MAML3: variants seen among roughly 807,000 people sequenced by gnomAD.
MAML3 encodes mastermind-like protein 3.
A neutral mutation model predicts 101.9 loss-of-function variants in MAML3; 27 were observed. The ratio of observed to expected loss-of-function variants is 0.27; its 90% CI spans 0.20 to 0.37. MAML3 has a LOEUF of 0.37. MAML3 is among the 10% of genes least tolerant of loss of function. MAML3 has a pLI of 1.00. For synonymous variants in MAML3, 501 were observed against 555.9 expected (o/e 0.90, Z 1.39); for missense variants, 1,316 against 1,444.9 (o/e 0.91, Z 1.45).
intron 1 of MAML3, among the ~76,000 whole-genome samples, chr4:140,111,865 A>G (rs534743327): frequency 6.6e-6 from 1 of 152,284 alleles, no homozygotes; most frequent in South Asian, 2.1e-4. Flanking sequence ...CTCCTCTTCC[A>G]GCTTGCCATG....
intron 1 of MAML3, among the ~76,000 whole-genome samples, chr4:140,009,332 A>G (rs1726510790): frequency 6.6e-6 from 1 of 152,028 alleles, no homozygotes; most frequent in African/African-American, 2.4e-5. Flanking sequence ...TTTGTTTTTT[A>G]ATTTTCTATA....
At position 140,071,755 on chromosome 4, in the gene MAML3, TAG is replaced by T. The variant is rs11268401; in HGVS notation, c.468+81103_468+81104del. On this transcript the variant is annotated intron_variant, in intron 1 of 4. Coordinates refer to ENST00000509479, the MANE Select transcript of MAML3 (RefSeq NM_018717.5). ...CTTATAATTTTACAGGGACCAGGAT[TAG>T]AGAGAGAGAGAGAGAGAGAGAGAGA... 3.8e-3 allele frequency among the ~76,000 whole-genome samples: 520 copies of T among 137,000 alleles called. 1 individual carries two copies. Among genetic ancestry groups the T allele is most frequent in the Middle Eastern group, 0.011 (3 of 266 alleles). The allele number at this position is 137,000 out of a possible 152,430, so 89.9% of individuals were successfully genotyped here.
intron 4 of MAML3, among the ~76,000 whole-genome samples, chr4:139,725,277 A>G (rs1014912984): frequency 7.9e-5 from 12 of 152,200 alleles, no homozygotes; most frequent in African/African-American, 2.9e-4. Flanking sequence ...AGATTCTTCC[A>G]CTTCAGCTTT....
intron 1 of MAML3, among the ~76,000 whole-genome samples, chr4:139,919,958 C>T (rs138095849): frequency 7.1e-4 from 108 of 152,312 alleles, no homozygotes; most frequent in African/African-American, 2.5e-3. Context: ...CTGAATCTTA[C>T]TATTTTTGCT....
intron 1 of MAML3, among the ~76,000 whole-genome samples, chr4:139,922,486 G>A (rs1156668675): frequency 6.6e-6 from 1 of 152,108 alleles, no homozygotes; most frequent in African/African-American, 2.4e-5. Context: ...AGTCGATAAT[G>A]CAATGGATTG....
intron 1 of MAML3, among the ~76,000 whole-genome samples, chr4:139,982,002 G>A (rs1444482749): frequency 2.0e-5 from 3 of 152,072 alleles, no homozygotes; most frequent in Admixed American, 1.3e-4. Flanking sequence ...CTTCTTTTCC[G>A]CCTCCTTTTT....
intron 1 of MAML3, among the ~76,000 whole-genome samples, chr4:140,102,863 A>G (rs1728275863): frequency 6.6e-6 from 1 of 152,172 alleles, no homozygotes; most frequent in South Asian, 2.1e-4. Flanking sequence ...CATCACCACC[A>G]AGTGAAGAGA....
chr4:139,842,515 T>TATTTTG lies in MAML3; in HGVS notation c.2079+46841_2079+46842insCAAAAT, dbSNP rs1314141561. Among the ~76,000 whole-genome samples, 11 of 120,666 alleles carry TATTTTG rather than the reference T, an allele frequency of 9.1e-5. No homozygotes were observed. The East Asian group carries it at 4.4e-3, about 48-fold the overall frequency. 79.2% of individuals were successfully genotyped at this position (120,666 alleles called of 152,430 possible). A position where few individuals can be genotyped will look rare whatever the true frequency, so the allele number is the denominator to read the frequency against. The stretch of plus-strand genomic sequence containing the variant: ...CACAATCCTAGAAAGGAGGCATTTT[T>TATTTTG]ATTTTTATTTTTATTTGTTTTGAGA... On this transcript the variant is annotated intron_variant, in intron 2 of 4. Transcript: ENST00000509479.
chr4:140,035,705 C>A (rs957010004), intron 1 of MAML3, among the ~76,000 whole-genome samples: 17 of 151,920 alleles, frequency 1.1e-4, no homozygotes, highest in African/African-American at 4.1e-4. Flanking sequence ...ATCGCTTGAA[C>A]CCGGGAGGTG....
intron 1 of MAML3, among the ~76,000 whole-genome samples, chr4:139,967,146 T>TC (rs1397775412): frequency 2.0e-5 from 3 of 152,152 alleles, no homozygotes; most frequent in Admixed American, 2.0e-4. Context: ...GCTCTTTTTT[T>TC]CTCTGAGGGT....
At chr4:139,751,343 T>C (rs770081060) in intron 2 of MAML3, among the ~76,000 whole-genome samples, 1 of 152,204 alleles carries the variant, frequency 6.6e-6, no homozygotes, top group African/African-American at 2.4e-5. Context: ...TATTTGCATA[T>C]ATATAATGAG....
At position 139,737,799 on chromosome 4, in the gene MAML3, A is replaced by G. The variant is rs1181059093; in HGVS notation, c.2080-7132T>C. ...ACTGTGGGTTTGGAGAGGTGTTTAC[A>G]ATAAATTCATAGCAGAGCTCCAAAA... is the stretch of plus-strand genomic sequence containing the variant. On this transcript the variant is annotated intron_variant, in intron 2 of 4. Transcript: ENST00000509479. Among the ~76,000 whole-genome samples, 8 of 152,370 alleles carry G rather than the reference A, an allele frequency of 5.3e-5. No homozygotes were observed. In the East Asian group the frequency reaches 1.3e-3, roughly 26 times the overall value.
chr4:139,963,831 A>G (rs932443498), intron 1 of MAML3, among the ~76,000 whole-genome samples: 2 of 152,180 alleles, frequency 1.3e-5, no homozygotes, highest in African/African-American at 2.4e-5. Context: ...TTAAGGAAGA[A>G]ATGTCACACA....
At chr4:139,938,502 T>C (rs1331365282) in intron 1 of MAML3, among the ~76,000 whole-genome samples, 2 of 152,194 alleles carry the variant, frequency 1.3e-5, no homozygotes, top group Non-Finnish European at 2.9e-5. Context: ...CACAATGACA[T>C]TCTAATACCC....
At chr4:140,074,794 GCT>G (rs1347338250) in intron 1 of MAML3, among the ~76,000 whole-genome samples, 2 of 152,208 alleles carry the variant, frequency 1.3e-5, no homozygotes. Context: ...CACATGGATG[GCT>G]GAGATAGTGA....
chr4:140,024,048 T>A (rs1726780777), intron 1 of MAML3, among the ~76,000 whole-genome samples: 1 of 152,222 alleles, frequency 6.6e-6, no homozygotes, highest in South Asian at 2.1e-4. Flanking sequence ...ATGCCTAGTA[T>A]GTGACAAACA....
intron 1 of MAML3, among the ~76,000 whole-genome samples, chr4:139,970,674 A>G (rs906909143): frequency 1.3e-5 from 2 of 152,210 alleles, no homozygotes; most frequent in Admixed American, 1.3e-4. Context: ...AGAAGCAACA[A>G]GCCTAAATAT....
At chr4:140,048,719 T>C (rs145320826) in intron 1 of MAML3, among the ~76,000 whole-genome samples, 1 of 152,226 alleles carries the variant, frequency 6.6e-6, no homozygotes, top group South Asian at 2.1e-4. Context: ...CATTTCACTT[T>C]GTGCTTGCTT....
intron 2 of MAML3, among the ~76,000 whole-genome samples, chr4:139,806,296 G>A (rs1049650889): frequency 1.3e-5 from 2 of 151,862 alleles, no homozygotes; most frequent in African/African-American, 4.8e-5. Context: ...TCCTATTTTT[G>A]AAAAATGGGC....
Sources: gnomAD v4.1 joint callset for allele counts (sites outside exome capture counted in the v4.1 genomes callset) on GRCh38, gnomAD v4.1.1 for gene constraint, MANE v1.5 for transcripts, NCBI Gene and HGNC (gene_info 2026-07-23, HGNC 2026-07-21) for gene names.